PACRG: variants seen among roughly 807,000 people sequenced by gnomAD.
The protein encoded by PACRG is parkin coregulated.
Under a neutral mutation model 29.7 loss-of-function variants are expected in PACRG, and 29 were observed. That is an observed-to-expected ratio of 0.98 (90% confidence interval 0.73 to 1.33). The LOEUF (loss-of-function observed/expected upper bound fraction) is 1.33. Ranked by LOEUF, PACRG falls within the 40% of genes most tolerant of loss-of-function variation. PACRG has a pLI of 0.00. For synonymous variants in PACRG, 116 were observed against 118.7 expected (o/e 0.98, Z 0.15); for missense variants, 279 against 316.2 (o/e 0.88, Z 0.89).
chr6:162,786,507 A>G (rs1044300087), intron 1 of PACRG, among the ~76,000 whole-genome samples: 4 of 152,238 alleles, frequency 2.6e-5, no homozygotes, highest in African/African-American at 9.6e-5. Flanking sequence ...TATATGGGCA[A>G]CCATCTATTA....
chr6:162,757,870 C>A (rs1315034426), intron 1 of PACRG, among the ~76,000 whole-genome samples: 1 of 151,862 alleles, frequency 6.6e-6, no homozygotes, highest in Non-Finnish European at 1.5e-5. Flanking sequence ...TATGAATAGG[C>A]AATTTACAGA....
At chr6:162,856,244 A>C (rs1791383971) in intron 2 of PACRG, among the ~76,000 whole-genome samples, 1 of 151,944 alleles carries the variant, frequency 6.6e-6, no homozygotes, top group African/African-American at 2.4e-5. Context: ...TTTTTTGTAG[A>C]GATAGGGTCT....
At chr6:162,734,913 T>C (rs1465443614) in intron 1 of PACRG, among the ~76,000 whole-genome samples, 1 of 152,212 alleles carries the variant, frequency 6.6e-6, no homozygotes, top group East Asian at 1.9e-4. Flanking sequence ...CATTCCCACA[T>C]GCTAACCTTC....
intron 2 of PACRG, among the ~76,000 whole-genome samples, chr6:162,817,168 C>A (rs540267473): frequency 6.6e-6 from 1 of 152,312 alleles, no homozygotes; most frequent in African/African-American, 2.4e-5. Context: ...GCCCCAGCCT[C>A]TCACGGTCAT....
At chr6:163,243,424 A>T (rs1782577695) in intron 4 of PACRG, among the ~76,000 whole-genome samples, 1 of 152,116 alleles carries the variant, frequency 6.6e-6, no homozygotes. Flanking sequence ...GTATGCCTGC[A>T]CCCCCAACAA....
At chr6:162,752,875 T>A (rs1781615582) in intron 1 of PACRG, among the ~76,000 whole-genome samples, 1 of 152,206 alleles carries the variant, frequency 6.6e-6, no homozygotes, top group Non-Finnish European at 1.5e-5. Context: ...CTTTGGATCC[T>A]CCTGGCTTGG....
chr6:163,034,284 A>G (rs999774544), intron 2 of PACRG, among the ~76,000 whole-genome samples: 1 of 152,192 alleles, frequency 6.6e-6, no homozygotes, highest in Non-Finnish European at 1.5e-5. Flanking sequence ...AATCCCGTAC[A>G]TGCCTAATTC....
At chr6:163,272,889 A>ATTATTTTTTTTTT (rs1301093605) in intron 4 of PACRG, among the ~76,000 whole-genome samples, 1 of 117,394 alleles carries the variant, frequency 8.5e-6, no homozygotes. Flanking sequence ...ATGATGCATC[A>ATTATTTTTTTTTT]TTCTTTTTTT....
chr6:162,922,304 C>A (rs1473276195), intron 2 of PACRG, among the ~76,000 whole-genome samples: 1 of 149,120 alleles, frequency 6.7e-6, no homozygotes, highest in Non-Finnish European at 1.5e-5. Flanking sequence ...TGGGATCCTC[C>A]AGACCTCCCT....
chr6:162,985,921 C>T (rs917696241), intron 2 of PACRG, among the ~76,000 whole-genome samples: 7 of 151,864 alleles, frequency 4.6e-5, no homozygotes. Context: ...AGTGACAAAT[C>T]TGAGAATCAA....
intron 2 of PACRG, chr6:163,044,681 G>T (rs890928097): frequency 6.6e-6 from 1 of 152,176 alleles, no homozygotes; most frequent in Non-Finnish European, 1.5e-5. Flanking sequence ...AAATACTCTA[G>T]TCCCGCGGGC....
At chr6:162,846,888 A>ACCACTGTGCTCCCCACACTGT (rs1447977104) in intron 2 of PACRG, among the ~76,000 whole-genome samples, 9 of 132,682 alleles carry the variant, frequency 6.8e-5, no homozygotes, top group Non-Finnish European at 1.3e-4. Flanking sequence ...CTCCACACTG[A>ACCACTGTGCTCCCCACACTGT]CCACTGTGCT....
At chr6:162,920,041 T>A (rs1018490623) in intron 2 of PACRG, among the ~76,000 whole-genome samples, 2 of 152,192 alleles carry the variant, frequency 1.3e-5, no homozygotes, top group Admixed American at 1.3e-4. Context: ...CAGCTCTTGA[T>A]ACTTTTCCCT....
Position 162,986,789 on chromosome 6 carries a change from T to C in PACRG, c.292-75361T>C, listed in dbSNP as rs554361476. Among the ~76,000 whole-genome samples, 5 of 152,308 alleles carry C rather than the reference T, an allele frequency of 3.3e-5. No individual in the cohort carries two copies. In the South Asian group the frequency reaches 1.0e-3, roughly 32 times the overall value. On this transcript the variant is annotated intron_variant, in intron 2 of 4. Transcript: ENST00000366888. ...GTCTTTTAACTCTGAAGTTGTTTTTTCTGCTTGTTGTAGTCTATTGTCGAC... is the reference window on the plus strand; with the variant it reads ...GTCTTTTAACTCTGAAGTTGTTTTTCCTGCTTGTTGTAGTCTATTGTCGAC...
intron 4 of PACRG, among the ~76,000 whole-genome samples, chr6:163,217,436 G>A (rs953701724): frequency 1.3e-5 from 2 of 152,204 alleles, no homozygotes; most frequent in African/African-American, 4.8e-5. Context: ...GCTCAGGAGG[G>A]GAGGAGGGGC....
chr6:163,127,416 A>G (rs1413387768), intron 4 of PACRG, among the ~76,000 whole-genome samples: 1 of 152,310 alleles, frequency 6.6e-6, no homozygotes, highest in Non-Finnish European at 1.5e-5. Flanking sequence ...TGGAGAGAGA[A>G]CAAGCTGTAG....
chr6:162,866,033 G>T (rs1426639901), intron 2 of PACRG, among the ~76,000 whole-genome samples: 1 of 152,088 alleles, frequency 6.6e-6, no homozygotes, highest in Non-Finnish European at 1.5e-5. Flanking sequence ...ATTTGCTGGG[G>T]TGAAAAAATA....
intron 4 of PACRG, chr6:163,310,709 G>A (rs1001837293): frequency 3.9e-5 from 6 of 152,210 alleles, no homozygotes; most frequent in South Asian, 2.1e-4. Context: ...AAAGAATGAA[G>A]TTTGCACACA....
intron 4 of PACRG, among the ~76,000 whole-genome samples, chr6:163,226,593 G>A (rs576566173): frequency 2.6e-5 from 4 of 152,308 alleles, no homozygotes; most frequent in Non-Finnish European, 4.4e-5. Context: ...TCCACTTGAG[G>A]CCAAGGGGCT....
Sources: allele counts gnomAD v4.1 joint callset (sites outside exome capture counted in the v4.1 genomes callset), GRCh38; gene constraint gnomAD v4.1.1; transcripts MANE v1.5; gene names NCBI Gene and HGNC (gene_info 2026-07-23, HGNC 2026-07-21).